MYO3A: variants seen among roughly 807,000 people sequenced by gnomAD.
MYO3A encodes myosin IIIA, also known as myosin-IIIa.
In MYO3A, 180 loss-of-function variants were observed where a neutral mutation model predicts 192.7. That is an observed-to-expected ratio of 0.93 (90% CI 0.83 to 1.06). MYO3A has a LOEUF of 1.06. Ranked by LOEUF, MYO3A falls within the 50% of genes least tolerant of loss-of-function variation. The probability of loss-of-function intolerance (pLI) is 0.00; values close to 1 mark genes in which losing one functional copy is unlikely to be tolerated. For missense variants in MYO3A, 1,896 were observed against 1,905.0 expected, an observed-to-expected ratio of 1.00 and a Z score of 0.09; for synonymous variants, 628 against 645.3, an observed-to-expected ratio of 0.97 and a Z score of 0.41.
intron 31 of MYO3A, among the ~76,000 whole-genome samples, chr10:26,177,313 G>A (rs1842385190): frequency 6.6e-6 from 1 of 152,052 alleles, no homozygotes; most frequent in South Asian, 2.1e-4. Flanking sequence ...AACTGGTGAG[G>A]AATTCAATCT....
intron 4 of MYO3A, among the ~76,000 whole-genome samples, chr10:25,961,949 A>G (rs1248877664): frequency 6.6e-6 from 1 of 152,190 alleles, no homozygotes; most frequent in Non-Finnish European, 1.5e-5. Flanking sequence ...TCATGTTAAC[A>G]GTGCTAGGCT....
chr10:26,117,276 A>T (rs1463206470), intron 17 of MYO3A, among the ~76,000 whole-genome samples: 2 of 152,112 alleles, frequency 1.3e-5, no homozygotes, highest in African/African-American at 2.4e-5. Flanking sequence ...CCAGTTTTAT[A>T]CTCATTATAT....
chr10:26,099,765 T>C (rs1168849119), intron 17 of MYO3A, among the ~76,000 whole-genome samples: 1 of 152,228 alleles, frequency 6.6e-6, no homozygotes, highest in Non-Finnish European at 1.5e-5. Context: ...TGAAGCCCAC[T>C]TGATCATGGT....
intron 6 of MYO3A, among the ~76,000 whole-genome samples, chr10:26,009,773 A>G (rs966765738): frequency 1.3e-5 from 2 of 152,226 alleles, no homozygotes; most frequent in Admixed American, 1.3e-4. Flanking sequence ...AGTCCTTCTC[A>G]TTGTAAAACA....
At chr10:26,072,099 C>T (rs1835242486) in intron 14 of MYO3A, among the ~76,000 whole-genome samples, 1 of 152,216 alleles carries the variant, frequency 6.6e-6, no homozygotes, top group East Asian at 1.9e-4. Context: ...TTGCCCAACA[C>T]TTATGAAACC....
intron 23 of MYO3A, among the ~76,000 whole-genome samples, chr10:26,149,134 C>T (rs930935790): frequency 6.6e-6 from 1 of 151,760 alleles, no homozygotes; most frequent in Non-Finnish European, 1.5e-5. Context: ...TAGATTTTTT[C>T]ATAGAAGCCC....
At chr10:26,089,270 T>A (rs182176639) in intron 15 of MYO3A, among the ~76,000 whole-genome samples, 19 of 152,242 alleles carry the variant, frequency 1.2e-4, no homozygotes, top group Admixed American at 2.6e-4. Flanking sequence ...GGAGTCCAGC[T>A]CCTAATATGG....
intron 17 of MYO3A, among the ~76,000 whole-genome samples, chr10:26,106,629 T>C (rs1837821143): frequency 6.6e-6 from 1 of 152,104 alleles, no homozygotes; most frequent in African/African-American, 2.4e-5. Flanking sequence ...TGGAAAAGAA[T>C]ATTTATCATA....
intron 14 of MYO3A, among the ~76,000 whole-genome samples, chr10:26,075,696 G>GAT (rs368818805): frequency 0.011 from 1,420 of 133,936 alleles, 48 homozygotes; most frequent in African/African-American, 0.038. Context: ...TCATATATAT[G>GAT]ATATATATAT....
intron 11 of MYO3A, 129 bp downstream of exon 11, chr10:26,067,203 C>G (rs1042718996): frequency 1.5e-6 from 1 of 656,054 alleles, no homozygotes; most frequent in African/African-American, 1.8e-5. Context: ...AACACTCACT[C>G]TGCCCATGTC....
chr10:26,212,026 A>T lies in MYO3A; in HGVS notation c.*63A>T. On this transcript the variant is annotated 3_prime_UTR_variant, in exon 35 of 35. Coordinates refer to ENST00000642920, the MANE Select transcript of MYO3A (RefSeq NM_017433.5). ...GGAGCCTGCGGGGCAGCAGGGGCCAAGCAGGCACTCTGGGGCTGGCACCAG... is the reference window on the plus strand; with the variant it reads ...GGAGCCTGCGGGGCAGCAGGGGCCATGCAGGCACTCTGGGGCTGGCACCAG... The T allele has an allele frequency of 6.3e-7, 1 of 1,580,142 alleles. No homozygotes were observed. Among genetic ancestry groups the T allele is most frequent in the Non-Finnish European group, 8.6e-7 (1 of 1,159,844 alleles).
intron 17 of MYO3A, among the ~76,000 whole-genome samples, chr10:26,114,453 GCCAC>G (rs368481899): frequency 5.9e-5 from 9 of 152,234 alleles, no homozygotes; most frequent in African/African-American, 1.9e-4. Context: ...ACAGGGCTCT[GCCAC>G]TGAGAGAAGT....
intron 9 of MYO3A, among the ~76,000 whole-genome samples, chr10:26,024,647 A>G (rs1842460269): frequency 6.6e-6 from 1 of 152,284 alleles, no homozygotes; most frequent in East Asian, 1.9e-4. Context: ...AGGACCTGTT[A>G]TAAGGCAGGC....
intron 6 of MYO3A, among the ~76,000 whole-genome samples, chr10:26,012,481 C>T (rs2131016986): frequency 6.6e-6 from 1 of 152,240 alleles, no homozygotes; most frequent in East Asian, 1.9e-4. Flanking sequence ...GGACTCAATC[C>T]TTTTACAATA....
chr10:26,110,762 A>G (rs975893694), intron 17 of MYO3A, among the ~76,000 whole-genome samples: 6 of 152,138 alleles, frequency 3.9e-5, no homozygotes, highest in South Asian at 2.1e-4. Flanking sequence ...AATTTGTGCC[A>G]TTGACCTTAC....
chr10:26,161,640 G>C (rs1013647277), intron 26 of MYO3A, among the ~76,000 whole-genome samples: 1 of 152,072 alleles, frequency 6.6e-6, no homozygotes, highest in Non-Finnish European at 1.5e-5. Flanking sequence ...CAATGTCCTT[G>C]GCTGAAAATA....
intron 14 of MYO3A, among the ~76,000 whole-genome samples, chr10:26,073,168 A>G (rs12262265): frequency 0.47 from 71,783 of 151,568 alleles, 17,747 homozygotes; most frequent in Middle Eastern, 0.59. Context: ...AGGTTGCAGT[A>G]AGCTATGATG....
chr10:26,097,255 T>C (rs1837096820), intron 17 of MYO3A, among the ~76,000 whole-genome samples: 1 of 152,182 alleles, frequency 6.6e-6, no homozygotes, highest in South Asian at 2.1e-4. Flanking sequence ...CTGGACACTT[T>C]ACATACAAGG....
Position 26,193,276 on chromosome 10 carries a change from A to C in MYO3A, c.4510A>C (p.Asn1504His). 1 of 1,614,026 alleles carries C rather than the reference A, an allele frequency of 6.2e-7. No homozygotes were observed. The highest frequency in any genetic ancestry group is 1.1e-5 in the South Asian group (1 of 91,048). ...RRPRKPKTLN[N>H]PEDSTYYYLL... ...ACCCCGGAAACCCAAAACATTAAAT[A>C]ACCCTGAAGACTCCACATACTATTA... The change falls in exon 32 of 35, where the codon AAC becomes CAC. Residue 1504 changes from asparagine (N) to histidine (H), a missense_variant. Transcript: ENST00000642920.
Sources: allele counts gnomAD v4.1 joint callset (sites outside exome capture counted in the v4.1 genomes callset), GRCh38; gene constraint gnomAD v4.1.1; transcripts MANE v1.5; gene names NCBI Gene and HGNC (gene_info 2026-07-23, HGNC 2026-07-21).